MAP2K3: variants seen among roughly 807,000 people sequenced by gnomAD.
The protein encoded by MAP2K3 is dual specificity mitogen-activated protein kinase kinase 3.
A neutral mutation model predicts 46.4 loss-of-function variants in MAP2K3; 30 were observed. The ratio of observed to expected loss-of-function variants is 0.65; its 90% confidence interval spans 0.48 to 0.88. MAP2K3 has a LOEUF of 0.88. MAP2K3 is among the 40% of genes least tolerant of loss of function. The pLI is 0.00. For missense variants in MAP2K3, 380 were observed against 464.5 expected, an observed-to-expected ratio of 0.82 and a Z score of 1.67; for synonymous variants, 189 against 176.3, an observed-to-expected ratio of 1.07 and a Z score of -0.57.
chr17:21,295,827 C>A, intron 1 of MAP2K3: 1 of 1,289,730 alleles, frequency 7.8e-7, no homozygotes. Context: ...TCCCAAATCC[C>A]AAGGCATGAG....
chr17:21,296,976 G>C (rs80069973), intron 1 of MAP2K3, among the ~76,000 whole-genome samples: 1 of 151,864 alleles, frequency 6.6e-6, no homozygotes, highest in Non-Finnish European at 1.5e-5. Context: ...GCCTGGCAGC[G>C]GGGTCCCCGG....
intron 1 of MAP2K3, among the ~76,000 whole-genome samples, chr17:21,293,279 C>A (rs1239247437): frequency 6.6e-6 from 1 of 152,310 alleles, no homozygotes; most frequent in South Asian, 2.1e-4. Flanking sequence ...GTGCCTTGTG[C>A]CCCAGCCACT....
intron 7 of MAP2K3, 57 bp from the exon 8 acceptor site, chr17:21,304,369 G>T: frequency 6.2e-7 from 1 of 1,613,846 alleles, no homozygotes; most frequent in Non-Finnish European, 8.5e-7. Flanking sequence ...GCAGAGCATG[G>T]CACCTGCCTC....
In MAP2K3 at chr17:21,287,884, G is replaced by A; in HGVS notation, c.49+2915G>A. On this transcript the variant is annotated intron_variant, in intron 1 of 11. Coordinates refer to ENST00000342679, the MANE Select transcript of MAP2K3 (RefSeq NM_145109.3). ...TGACACTGAGGTTTCATAGAGCACT[G>A]TTGTATCCTAGCCCTGCCTGCTGTG... The A allele has an allele frequency of 8.9e-6, 4 of 449,836 alleles. No homozygotes were observed. In the Middle Eastern group the frequency reaches 1.0e-3, roughly 117 times the overall value. The allele number at this position is 449,836 out of a possible 1,614,324, so 27.9% of individuals were successfully genotyped here. A position where few individuals can be genotyped will look rare whatever the true frequency, so the allele number is the denominator to read the frequency against.
chr17:21,297,187 C>T (rs949770192), intron 1 of MAP2K3, among the ~76,000 whole-genome samples: 2 of 152,428 alleles, frequency 1.3e-5, no homozygotes, highest in South Asian at 2.1e-4. Context: ...CGGTGCGTGG[C>T]TCTGAGATGG....
chr17:21,303,812 G>C lies in MAP2K3; in HGVS notation c.568+578G>C, dbSNP rs1353165385. On this transcript the variant is annotated intron_variant, in intron 7 of 11. Coordinates refer to ENST00000342679, the MANE Select transcript of MAP2K3 (RefSeq NM_145109.3). ...CTTTTCAAAAAATGAATTAGGCTTAGTTCCCATTGTCCACTGGGTGCCCAT... is the reference window on the plus strand; with the variant it reads ...CTTTTCAAAAAATGAATTAGGCTTACTTCCCATTGTCCACTGGGTGCCCAT... 2.6e-5 allele frequency among the ~76,000 whole-genome samples: 4 copies of C among 152,428 alleles called. No individual in the cohort carries two copies. In the East Asian group the frequency reaches 7.7e-4, roughly 29 times the overall value.
Position 21,303,249 on chromosome 17 carries a change from G to C in MAP2K3, c.568+15G>C. The C allele has an allele frequency of 6.2e-7, 1 of 1,613,768 alleles. No homozygotes were observed. Among genetic ancestry groups the C allele is most frequent in the South Asian group, 1.1e-5 (1 of 91,074 alleles). ...GATCCACAGAGGTCAGTGCCCGGCA[G>C]CCACCCAGGCACGGTGTAGCCAGTG... On this transcript the variant is annotated intron_variant, in intron 7 of 11. Transcript: ENST00000342679.
chr17:21,292,552 A>G (rs867408128), intron 1 of MAP2K3, among the ~76,000 whole-genome samples: 1 of 152,308 alleles, frequency 6.6e-6, no homozygotes, highest in Non-Finnish European at 1.5e-5. Context: ...TTTTGTAGAG[A>G]CAGGATTTTG....
intron 2 of MAP2K3, among the ~76,000 whole-genome samples, 192 bp from the exon 3 acceptor site, chr17:21,298,686 G>A (rs1976408873): frequency 6.6e-6 from 1 of 152,308 alleles, no homozygotes; most frequent in Admixed American, 6.5e-5. Flanking sequence ...ACCCTGTCTT[G>A]GAGGCTCGAT....
At chr17:21,292,612 A>T (rs1296653068) in intron 1 of MAP2K3, among the ~76,000 whole-genome samples, 2 of 67,434 alleles carry the variant, frequency 3.0e-5, no homozygotes. Context: ...GAATCCACCC[A>T]CCTTGGCCTC....
At chr17:21,303,771 T>A (rs1976735501) in intron 7 of MAP2K3, among the ~76,000 whole-genome samples, 1 of 152,310 alleles carries the variant, frequency 6.6e-6, no homozygotes, top group South Asian at 2.1e-4. Context: ...ACAAGTCTAT[T>A]TTTCCAGATT....
chr17:21,295,627 C>G, intron 1 of MAP2K3: 1 of 1,288,478 alleles, frequency 7.8e-7, no homozygotes, highest in Non-Finnish European at 1.0e-6. Flanking sequence ...GGGTGGCTTC[C>G]CCATGGAGCC....
In MAP2K3 at chr17:21,298,913, C is replaced by G; in HGVS notation, c.152C>G (p.Thr51Ser). 6.2e-7 allele frequency: 1 copy of G among 1,614,310 alleles called. No individual in the cohort carries two copies. Among genetic ancestry groups the G allele is most frequent in the South Asian group, 1.1e-5 (1 of 91,092 alleles). ...AACCTGGACTCCCGGACCTTCATCA[C>G]CATTGGAGACAGAGTAGGTGCCAGC... is the stretch of plus-strand genomic sequence containing the variant. ...PRNLDSRTFI[T>S]IGDRNFEVEA... Residue 51 changes from threonine (T) to serine (S), a missense_variant, in exon 3 of 12, where the codon ACC becomes AGC. By Grantham distance (58) the Thr-to-Ser change is moderately conservative. Around this residue, in one of 5 missense-constraint regions of MAP2K3, gnomAD observed 294 missense variants for 275.4 expected, o/e 1.07. Coordinates refer to ENST00000342679, the MANE Select transcript of MAP2K3 (RefSeq NM_145109.3).
chr17:21,310,008 T>G (rs1209863651), intron 9 of MAP2K3, among the ~76,000 whole-genome samples: 1 of 151,934 alleles, frequency 6.6e-6, no homozygotes, highest in Admixed American at 6.6e-5. Context: ...TTGTTTTTTT[T>G]GTTGTTTTTT....
intron 1 of MAP2K3, among the ~76,000 whole-genome samples, chr17:21,295,000 G>T (rs564902533): frequency 6.6e-6 from 1 of 152,426 alleles, no homozygotes; most frequent in South Asian, 2.1e-4. Context: ...GGACTCCACA[G>T]CAGAGAAGCC....
At position 21,284,906 on chromosome 17, in the gene MAP2K3, G is replaced by A. The variant is rs1457724673; in HGVS notation, c.-15G>A. 6.2e-7 allele frequency: 1 copy of A among 1,611,994 alleles called. No individual in the cohort carries two copies. Among genetic ancestry groups the A allele is most frequent in the African/African-American group, 1.3e-5 (1 of 74,910 alleles). On this transcript the variant is annotated 5_prime_UTR_variant, in exon 1 of 12. Transcript: ENST00000342679. The stretch of plus-strand genomic sequence containing the variant: ...CTAGATTAGTCTCCACCGCCGTCCA[G>A]GACCCACTTGCAGCATGGAGTCGCC...
At chr17:21,291,256 A>G (rs1019215824) in intron 1 of MAP2K3, among the ~76,000 whole-genome samples, 2 of 101,792 alleles carry the variant, frequency 2.0e-5, no homozygotes, top group Non-Finnish European at 4.2e-5. Flanking sequence ...AATAAATACA[A>G]TACAATCAAT....
intron 9 of MAP2K3, among the ~76,000 whole-genome samples, chr17:21,307,948 C>T (rs550517688): frequency 1.5e-4 from 22 of 150,874 alleles, no homozygotes; most frequent in Admixed American, 2.7e-4. Flanking sequence ...CTCTGCCTCT[C>T]GCGTTCAGGC....
rs1567669619 is a variant in MAP2K3 at position 21,302,237 on chromosome 17, T to A, written c.494T>A (p.Ile165Asn). The change falls in exon 6 of 12, where the codon ATC becomes AAC. Residue 165 changes from isoleucine to asparagine, a missense_variant. By Grantham distance (149) the Ile-to-Asn change is moderately radical (BLOSUM62 -3). Around this residue, in one of 5 missense-constraint regions of MAP2K3, gnomAD observed 294 missense variants for 275.4 expected, o/e 1.07. Transcript: ENST00000342679. ...LDKNMTIPEDILGEIAVSIVR... is the reference protein window; with the variant it reads ...LDKNMTIPEDNLGEIAVSIVR... Reference sequence around the variant, plus strand: ...AAAAACATGACAATTCCAGAGGACATCCTTGGGGAGATTGCTGTGTCTGTG... The same window carrying A: ...AAAAACATGACAATTCCAGAGGACAACCTTGGGGAGATTGCTGTGTCTGTG... The A allele has an allele frequency of 1.3e-6, 2 of 1,507,298 alleles. No individual in the cohort carries two copies. The highest frequency in any genetic ancestry group is 2.8e-5 in the African/African-American group (2 of 71,270). 93.4% of individuals were successfully genotyped at this position (1,507,298 alleles called of 1,614,324 possible). A position where few individuals can be genotyped will look rare whatever the true frequency, so the allele number is the denominator to read the frequency against.
Sources: allele counts gnomAD v4.1 joint callset (sites outside exome capture counted in the v4.1 genomes callset), GRCh38; gene constraint gnomAD v4.1.1; regional missense constraint gnomAD v4.1.1; transcripts MANE v1.5; gene names NCBI Gene and HGNC (gene_info 2026-07-23, HGNC 2026-07-21).